Variants in KLHL32 observed in about 807,000 individuals in gnomAD.
The protein encoded by KLHL32 is kelch like family member 32.
A neutral mutation model predicts 64.8 loss-of-function variants in KLHL32; 35 were observed. The observed-to-expected ratio is 0.54, with a 90% CI of 0.41 to 0.72. The LOEUF (loss-of-function observed/expected upper bound fraction) is 0.72. Among genes scored for constraint, KLHL32 ranks in the 30% least tolerant of loss-of-function variants. The pLI is 0.00. For missense variants in KLHL32, 589 were observed against 768.5 expected (o/e 0.77, Z 2.76); for synonymous variants, 259 against 281.0 (o/e 0.92, Z 0.78).
intron 3 of KLHL32, among the ~76,000 whole-genome samples, chr6:97,035,611 A>C (rs955017510): frequency 6.6e-6 from 1 of 151,950 alleles, no homozygotes; most frequent in Non-Finnish European, 1.5e-5. Context: ...GATATTGTAT[A>C]CTTGGCAGTT....
intron 10 of KLHL32, among the ~76,000 whole-genome samples, chr6:97,138,555 CA>C (rs969465644): frequency 6.6e-6 from 1 of 151,442 alleles, no homozygotes; most frequent in African/African-American, 2.4e-5. Context: ...ACAAAAACAA[CA>C]AAAAAACCCC....
chr6:97,005,345 T>G (rs1779536963), intron 3 of KLHL32, among the ~76,000 whole-genome samples: 1 of 152,088 alleles, frequency 6.6e-6, no homozygotes, highest in Admixed American at 6.5e-5. Flanking sequence ...TCATTTCTGT[T>G]TGTGTTTTTT....
chr6:97,053,616 A>G (rs1005276302), intron 4 of KLHL32, among the ~76,000 whole-genome samples: 2 of 151,982 alleles, frequency 1.3e-5, no homozygotes, highest in Non-Finnish European at 2.9e-5. Flanking sequence ...TCGGATGCCC[A>G]TTTTCTTCAG....
At chr6:97,040,969 CT>C (rs1785031961) in intron 3 of KLHL32, among the ~76,000 whole-genome samples, 2 of 152,212 alleles carry the variant, frequency 1.3e-5, no homozygotes, top group African/African-American at 4.8e-5. Context: ...TCATTCTGAA[CT>C]GTGAGTCAAT....
intron 5 of KLHL32, among the ~76,000 whole-genome samples, chr6:97,077,595 T>C (rs937358221): frequency 6.6e-6 from 1 of 152,200 alleles, no homozygotes; most frequent in African/African-American, 2.4e-5. Context: ...TATTTCCCAA[T>C]TGTATGAAAA....
At chr6:97,027,295 A>G (rs1339915560) in intron 3 of KLHL32, among the ~76,000 whole-genome samples, 1 of 152,182 alleles carries the variant, frequency 6.6e-6, no homozygotes, top group Non-Finnish European at 1.5e-5. Context: ...AGACATTATG[A>G]CTAGATCCTG....
intron 1 of KLHL32, among the ~76,000 whole-genome samples, chr6:96,928,173 A>T (rs1769394268): frequency 6.6e-6 from 1 of 152,196 alleles, no homozygotes; most frequent in Admixed American, 6.5e-5. Flanking sequence ...AAAAAATTTT[A>T]AATGTTCTGA....
At chr6:97,038,431 G>A (rs1784615164) in intron 3 of KLHL32, among the ~76,000 whole-genome samples, 1 of 152,026 alleles carries the variant, frequency 6.6e-6, no homozygotes, top group Non-Finnish European at 1.5e-5. Flanking sequence ...AGGTCACTGA[G>A]CATCAGAAGA....
At chr6:97,019,775 AT>A (rs1451940275) in intron 3 of KLHL32, among the ~76,000 whole-genome samples, 1 of 151,376 alleles carries the variant, frequency 6.6e-6, no homozygotes, top group Non-Finnish European at 1.5e-5. Context: ...CAGCAAAAAA[AT>A]TTTTATACTA....
At chr6:97,117,180 C>T (rs141260212) in intron 7 of KLHL32, among the ~76,000 whole-genome samples, 123 of 152,276 alleles carry the variant, frequency 8.1e-4, no homozygotes, top group African/African-American at 2.8e-3. Context: ...AGGTATAGTT[C>T]ACCCTGCCTA....
At chr6:97,059,183 G>A (rs1367381673) in intron 4 of KLHL32, among the ~76,000 whole-genome samples, 1 of 152,124 alleles carries the variant, frequency 6.6e-6, no homozygotes, top group Non-Finnish European at 1.5e-5. Context: ...TATAAGGAGT[G>A]GATTTAGAGT....
chr6:97,066,373 A>G (rs1312676606), intron 5 of KLHL32, among the ~76,000 whole-genome samples: 3 of 152,240 alleles, frequency 2.0e-5, no homozygotes, highest in African/African-American at 2.4e-5. Flanking sequence ...TTAAAGGTCC[A>G]TGGGTATTTT....
At chr6:96,994,995 T>C (rs1482230400) in intron 3 of KLHL32, among the ~76,000 whole-genome samples, 1 of 152,194 alleles carries the variant, frequency 6.6e-6, no homozygotes, top group Non-Finnish European at 1.5e-5. Flanking sequence ...TTTTAATAAA[T>C]GTTTGTGGGG....
At chr6:96,962,714 C>CACTAGGT (rs61127933) in intron 1 of KLHL32, among the ~76,000 whole-genome samples, 33,195 of 151,900 alleles carry the variant, frequency 0.22, 4,111 homozygotes, top group African/African-American at 0.34. Flanking sequence ...TCAGCCTTTG[C>CACTAGGT]ACTAGGTACA....
chr6:96,967,011 A>G lies in KLHL32; in HGVS notation c.-50A>G, dbSNP rs1562198862. ...TTTTATTCAGCTGGAATGCTTGCTG[A>G]TTCCTCTGCACACTTCTAAGGCTGA... On this transcript the variant is annotated 5_prime_UTR_variant, in exon 2 of 11. Coordinates refer to ENST00000369261, the MANE Select transcript of KLHL32 (RefSeq NM_052904.4). The G allele has an allele frequency of 2.5e-6, 4 of 1,578,462 alleles. No individual in the cohort carries two copies. Among genetic ancestry groups the G allele is most frequent in the Middle Eastern group, 1.7e-4 (1 of 5,936 alleles).
chr6:96,985,010 C>T (rs913566278), intron 3 of KLHL32, among the ~76,000 whole-genome samples: 1 of 86,664 alleles, frequency 1.2e-5, no homozygotes, highest in African/African-American at 5.4e-5. Flanking sequence ...GTGGCTGGTA[C>T]CAATTGTTCC....
At position 97,079,781 on chromosome 6, in the gene KLHL32, A is replaced by G. The variant is rs188949019; in HGVS notation, c.412-5345A>G. Among the ~76,000 whole-genome samples, 451 of 152,326 alleles carry G rather than the reference A, an allele frequency of 3.0e-3. 4 individuals are homozygous for G. Among genetic ancestry groups the G allele is most frequent in the Non-Finnish European group, 3.2e-3 (215 of 68,036 alleles). On this transcript the variant is annotated intron_variant, in intron 5 of 10. Transcript: ENST00000369261. Reference sequence around the variant, plus strand: ...AATACTATTTAAAAATATTCCCTAAAGAACAACAATGTATGCACCATAATT... The same window carrying G: ...AATACTATTTAAAAATATTCCCTAAGGAACAACAATGTATGCACCATAATT...
chr6:97,029,630 A>T (rs1783238645), intron 3 of KLHL32, among the ~76,000 whole-genome samples: 2 of 152,156 alleles, frequency 1.3e-5, no homozygotes, highest in African/African-American at 2.4e-5. Flanking sequence ...CTCCAGGTGG[A>T]TTGGGTTATT....
At position 96,967,053 on chromosome 6, in the gene KLHL32, G is replaced by C; in HGVS notation, c.-8G>C. ...TAAGGCTGAGAACCTGAGGAACCCA[G>C]CTGGAAAATGCCGTCTGAACGCTGC... On this transcript the variant is annotated 5_prime_UTR_variant, in exon 2 of 11. Coordinates refer to ENST00000369261, the MANE Select transcript of KLHL32 (RefSeq NM_052904.4). 1 of 1,613,686 alleles carries C rather than the reference G, an allele frequency of 6.2e-7. No homozygotes were observed. Among genetic ancestry groups the C allele is most frequent in the Non-Finnish European group, 8.5e-7 (1 of 1,179,768 alleles).
Sources: allele counts gnomAD v4.1 joint callset (sites outside exome capture counted in the v4.1 genomes callset), GRCh38; gene constraint gnomAD v4.1.1; transcripts MANE v1.5; gene names NCBI Gene and HGNC (gene_info 2026-07-23, HGNC 2026-07-21).